The following PDZD4 variants were observed in gnomAD, a reference collection of about 807,000 sequenced individuals.
PDZD4 encodes the protein PDZ domain containing 4.
A neutral mutation model predicts 38.5 loss-of-function variants in PDZD4; 9 were observed. The observed-to-expected ratio is 0.23, with a 90% CI of 0.14 to 0.41. The LOEUF is 0.41. PDZD4 is among the 10% of genes least tolerant of loss of function. The pLI is 1.00. For synonymous variants in PDZD4, 349 were observed against 315.7 expected (o/e 1.11, Z -1.12); for missense variants, 612 against 722.0 (o/e 0.85, Z 1.75).
intron 4 of PDZD4, among the ~76,000 whole-genome samples, 161 bp downstream of exon 4, chrX:153,806,581 T>A (rs952617785): frequency 1.8e-5 from 2 of 112,261 alleles, no homozygotes; most frequent in Non-Finnish European, 1.9e-5. Flanking sequence ...GATGACTACC[T>A]CACTGGACAG....
intron 1 of PDZD4, among the ~76,000 whole-genome samples, chrX:153,809,221 G>A (rs1274458754): frequency 8.9e-6 from 1 of 111,952 alleles, no homozygotes; most frequent in Non-Finnish European, 1.9e-5. Flanking sequence ...AAGAGAAAAG[G>A]CCTTGATGTA....
At chrX:153,817,806 G>GT (rs1207281413) in intron 1 of PDZD4, among the ~76,000 whole-genome samples, 3 of 112,065 alleles carry the variant, frequency 2.7e-5, no homozygotes, top group Admixed American at 9.4e-5. Context: ...GAAATGGAAG[G>GT]TTTTTATCTC....
chrX:153,808,473 G>A lies in PDZD4; in HGVS notation c.183C>T (p.Ser61=). Reference sequence around the variant, plus strand: ...TGTCCACCAGCTGCAGGTCGTGACAGGAGCTGTCCCCCCGGAGGCGGGGGC... The same window carrying A: ...TGTCCACCAGCTGCAGGTCGTGACAAGAGCTGTCCCCCCGGAGGCGGGGGC... ...RRSPRLRGDS[S]CHDLQLVDSG... The change falls in exon 2 of 8, where the codon TCC becomes TCT. Residue 61 remains serine, a synonymous_variant. Transcript: ENST00000393758. 8.3e-7 allele frequency: 1 copy of A among 1,211,628 alleles called. No homozygotes were observed. The highest frequency in any genetic ancestry group is 1.1e-6 in the Non-Finnish European group (1 of 895,525).
intron 1 of PDZD4, among the ~76,000 whole-genome samples, chrX:153,824,919 A>G (rs1681169536): frequency 9.0e-6 from 1 of 111,470 alleles, no homozygotes; most frequent in East Asian, 2.8e-4. Context: ...AATCGCTTGA[A>G]CCCTGGAGGC....
Position 153,804,511 on chromosome X carries a change from G to A in PDZD4, c.1170C>T (p.Asn390=). ...GLLFPRASGG[N]SALDVNRNES... ...CGTTGCGGTTGACGTCCAGGGCGCT[G>A]TTGCCTCCGGAGGCCCGGGGAAAGA... is the stretch of plus-strand genomic sequence containing the variant. The change falls in exon 8 of 8, where the codon AAC becomes AAT. Residue 390 remains asparagine, a synonymous_variant. Coordinates refer to ENST00000393758, the MANE Select transcript of PDZD4 (RefSeq NM_001303512.2). The A allele has an allele frequency of 8.3e-7, 1 of 1,209,993 alleles. No individual in the cohort carries two copies. Among genetic ancestry groups the A allele is most frequent in the Non-Finnish European group, 1.1e-6 (1 of 895,379 alleles).
intron 1 of PDZD4, among the ~76,000 whole-genome samples, chrX:153,817,244 G>C (rs782271028): frequency 2.7e-5 from 3 of 111,876 alleles, no homozygotes; most frequent in African/African-American, 6.5e-5. Context: ...AAAGAACTGA[G>C]AACAGGCGTG....
chrX:153,830,075 G>T, intron 1 of PDZD4, 164 bp downstream of exon 1: 1 of 569,228 alleles, frequency 1.8e-6, no homozygotes, highest in Non-Finnish European at 2.5e-6. Context: ...GGTTCCCACG[G>T]AGCGCCAACA....
At chrX:153,829,921 G>C (rs2064524447) in intron 1 of PDZD4, 1 of 816,492 alleles carries the variant, frequency 1.2e-6, no homozygotes, top group Non-Finnish European at 1.5e-6. Context: ...TCCCTCCCCC[G>C]CCCTGGGTCC....
chrX:153,813,553 G>A (rs918625866), intron 1 of PDZD4, among the ~76,000 whole-genome samples: 4 of 112,807 alleles, frequency 3.5e-5, no homozygotes, highest in Admixed American at 9.3e-5. Context: ...TAATGGAGGC[G>A]CACATAATGG....
chrX:153,815,607 CGTTTACAATTTAATTACAAGGCT>C (rs2064353155), intron 1 of PDZD4, among the ~76,000 whole-genome samples: 2 of 112,319 alleles, frequency 1.8e-5, no homozygotes, highest in Non-Finnish European at 3.8e-5. Context: ...ATTACAAGGA[CGTTTACAATTTAATTACAAGGCT>C]GTGGGCTCCA....
intron 1 of PDZD4, among the ~76,000 whole-genome samples, chrX:153,824,538 C>T (rs2064460118): frequency 9.0e-6 from 1 of 111,267 alleles, no homozygotes; most frequent in African/African-American, 3.3e-5. Context: ...CCCATGCAAG[C>T]AGGAGGGAGC....
At chrX:153,816,000 C>T (rs1467984174) in intron 1 of PDZD4, among the ~76,000 whole-genome samples, 1 of 99,530 alleles carries the variant, frequency 1.0e-5, no homozygotes, top group African/African-American at 3.6e-5. Context: ...CACTGATCGC[C>T]CCAGGCCCGG....
chrX:153,829,518 C>CA (rs1211614087), intron 1 of PDZD4: 1 of 133,662 alleles, frequency 7.5e-6, no homozygotes, highest in Non-Finnish European at 1.4e-5. Context: ...TCCGCGCACA[C>CA]AGAGACGGGG....
At chrX:153,820,349 CAAA>C (rs140401659) in intron 1 of PDZD4, among the ~76,000 whole-genome samples, 2 of 18,227 alleles carry the variant, frequency 1.1e-4, no homozygotes, top group Non-Finnish European at 1.6e-4. Context: ...GACTCCATCT[CAAA>C]AAAAAAAAAA....
intron 2 of PDZD4, chrX:153,807,862 C>T: frequency 1.0e-6 from 1 of 978,547 alleles, no homozygotes. Context: ...TCCCCGCAGC[C>T]CGGGCTAAGA....
chrX:153,816,442 A>C (rs1188476953), intron 1 of PDZD4, among the ~76,000 whole-genome samples: 1 of 107,918 alleles, frequency 9.3e-6, no homozygotes, highest in African/African-American at 3.4e-5. Context: ...GGCCGAGGAC[A>C]TGTGACTCCC....
At position 153,807,273 on chromosome X, in the gene PDZD4, G is replaced by A. The variant is rs372638927; in HGVS notation, c.405+6C>T. ...CTGCGGGCCCTGGCCTGGCCACCCG[G>A]CTCACCTCATACTCCAGCTCATCCA... On this transcript the variant is annotated splice_donor_region_variant and intron_variant, in intron 3 of 7. Transcript: ENST00000393758. 8 of 1,208,260 alleles carry A rather than the reference G, an allele frequency of 6.6e-6. No homozygotes were observed. Among genetic ancestry groups the A allele is most frequent in the Non-Finnish European group, 8.9e-6 (8 of 894,040 alleles).
At chrX:153,813,261 G>A (rs2064328452) in intron 1 of PDZD4, among the ~76,000 whole-genome samples, 2 of 111,866 alleles carry the variant, frequency 1.8e-5, no homozygotes, top group African/African-American at 6.5e-5. Flanking sequence ...CCTCATAATG[G>A]GTTTTCCAGA....
Position 153,803,418 on chromosome X carries a change from G to A in PDZD4, c.2263C>T (p.His755Tyr). Residue 755 changes from histidine to tyrosine, a missense_variant, in exon 8 of 8, where the codon CAC becomes TAC. His to Tyr is a moderately conservative substitution (Grantham distance 83). Transcript: ENST00000393758. ...NWITIQEMLAHGARSADGKRV... is the reference protein window; with the variant it reads ...NWITIQEMLAYGARSADGKRV... ...TTGCCATCGGCGGAGCGCGCGCCGT[G>A]GGCCAGCATCTCCTGGATGGTGATC... The A allele has an allele frequency of 8.7e-7, 1 of 1,145,750 alleles. No homozygotes were observed. Among genetic ancestry groups the A allele is most frequent in the South Asian group, 2.1e-5 (1 of 47,524 alleles). 94.4% of individuals were successfully genotyped at this position (1,145,750 alleles called of 1,213,427 possible).
Sources: gnomAD v4.1 joint callset for allele counts (sites outside exome capture counted in the v4.1 genomes callset) on GRCh38, gnomAD v4.1.1 for gene constraint, MANE v1.5 for transcripts, NCBI Gene and HGNC (gene_info 2026-07-23, HGNC 2026-07-21) for gene names.